SYCP2: variants seen among roughly 807,000 people sequenced by gnomAD.
The protein encoded by SYCP2 is synaptonemal complex protein 2.
Under a neutral mutation model 211.3 loss-of-function variants are expected in SYCP2, and 55 were observed. The ratio of observed to expected loss-of-function variants is 0.26; its 90% confidence interval spans 0.21 to 0.33. The LOEUF (loss-of-function observed/expected upper bound fraction) is 0.33, where lower values mean the gene tolerates loss of function less well. Ranked by LOEUF, SYCP2 falls within the 10% of genes least tolerant of loss-of-function variation. The probability of loss-of-function intolerance (pLI) is 1.00; values close to 1 mark genes in which losing one functional copy is unlikely to be tolerated. For synonymous variants in SYCP2, 570 were observed against 555.2 expected (o/e 1.03, Z -0.37); for missense variants, 1,731 against 1,752.0 (o/e 0.99, Z 0.21).
At chr20:59,891,854 TGA>T (rs1253191007) in intron 24 of SYCP2, 134 bp downstream of exon 24, 2 of 726,570 alleles carry the variant, frequency 2.8e-6, no homozygotes, top group African/African-American at 1.8e-5. Flanking sequence ...TGAGGAATTC[TGA>T]GAGTCTGGGC....
chr20:59,930,073 C>A (rs1174790194), intron 2 of SYCP2, among the ~76,000 whole-genome samples: 1 of 152,098 alleles, frequency 6.6e-6, no homozygotes, highest in Non-Finnish European at 1.5e-5. Flanking sequence ...AGCACACAGG[C>A]ATCTCTATTA....
At chr20:59,911,677 C>A (rs2060330699) in intron 14 of SYCP2, 73 bp downstream of exon 14, 1 of 605,314 alleles carries the variant, frequency 1.7e-6, no homozygotes, top group Non-Finnish European at 2.7e-6. Context: ...TAAAGAAATC[C>A]ACATTCTTAA....
chr20:59,932,481 G>A (rs887354606), intron 1 of SYCP2, among the ~76,000 whole-genome samples: 3 of 152,124 alleles, frequency 2.0e-5, no homozygotes, highest in African/African-American at 7.2e-5. Context: ...TTCGAGACCA[G>A]CCGGGCCAAC....
Position 59,915,547 on chromosome 20 carries a change from T to A in SYCP2, c.517A>T (p.Ile173Leu). 6.3e-7 allele frequency: 1 copy of A among 1,593,174 alleles called. No individual in the cohort carries two copies. The highest frequency in any genetic ancestry group is 8.6e-7 in the Non-Finnish European group (1 of 1,161,886). The change falls in exon 9 of 45, where the codon ATA becomes TTA. Residue 173 changes from isoleucine (I) to leucine (L), a missense_variant. Physicochemically the swap from Ile to Leu is conservative, Grantham distance 5. Transcript: ENST00000357552. ...RVNICIQQEI[I>L]KKMNAMLDKM... ...TCAAGCATAGCATTCATTTTTTTTA[T>A]AATCTAGAAAAGAAAAAAAGATAAT... is the stretch of plus-strand genomic sequence containing the variant.
At chr20:59,877,263 G>GT in intron 33 of SYCP2, 122 bp downstream of exon 33, 1 of 736,026 alleles carries the variant, frequency 1.4e-6, no homozygotes, top group Non-Finnish European at 1.9e-6. Context: ...TATTATTTAA[G>GT]TTTTGTCATA....
intron 25 of SYCP2, 47 bp from the exon 26 acceptor site, chr20:59,886,011 A>G (rs561880683): frequency 6.4e-6 from 9 of 1,395,478 alleles, no homozygotes; most frequent in African/African-American, 4.3e-5. Context: ...ATCAGTATCA[A>G]TATCATAAAA....
rs548415123 is a variant in SYCP2, at chr20:59,866,569, A to G, written c.4146T>C (p.Ser1382=). Residue 1382 remains serine (S), a synonymous_variant, in exon 40 of 45, where the codon AGT becomes AGC. Transcript: ENST00000357552. ...RRNNIRHKML[S]YFTTQSWKTA... is the part of the protein sequence containing the mutation. ...TTTTCCAAGACTGCGTAGTAAAATA[A>G]CTCAACATTTTATGTCGGATCTGAA... 7 of 1,598,870 alleles carry G rather than the reference A, an allele frequency of 4.4e-6. No individual in the cohort carries two copies. In the South Asian group the frequency reaches 5.7e-5, roughly 13 times the overall value.
intron 14 of SYCP2, among the ~76,000 whole-genome samples, chr20:59,910,811 A>T (rs1443396247): frequency 5.3e-5 from 8 of 151,326 alleles, no homozygotes; most frequent in Admixed American, 5.3e-4. Context: ...TAGCTCCTCG[A>T]AAAAAAATCA....
rs115019561 is a variant in SYCP2 at position 59,904,153 on chromosome 20, G to A, written c.1034-2343C>T. On this transcript the variant is annotated intron_variant, in intron 15 of 44. Transcript: ENST00000357552. ...TAACTAATTTTCCCTTCATTCTGGG[G>A]CAGCACAAGGAGCTGGACCAAACCT... 2.2e-3 allele frequency among the ~76,000 whole-genome samples: 335 copies of A among 152,226 alleles called. 2 individuals carry two copies. The highest frequency in any genetic ancestry group is 7.7e-3 in the African/African-American group (319 of 41,554).
Position 59,912,403 on chromosome 20 carries a change from A to G in SYCP2, c.846T>C (p.Pro282=). The G allele has an allele frequency of 9.2e-7, 1 of 1,083,816 alleles. No individual in the cohort carries two copies. The highest frequency in any genetic ancestry group is 1.3e-6 in the Non-Finnish European group (1 of 749,866). 67.1% of individuals were successfully genotyped at this position (1,083,816 alleles called of 1,614,324 possible). The part of the protein sequence containing the change: ...LGDKRRVFTF[P]CLSAFLDKYE... ...ATTTATCAAGAAATGCTGATAAACA[A>G]GGAAATGTAAAGACCCTGAAATAAA... The change falls in exon 13 of 45, where the codon CCT becomes CCC. Residue 282 remains proline (P), a synonymous_variant. Coordinates refer to ENST00000357552, the MANE Select transcript of SYCP2 (RefSeq NM_014258.4).
At chr20:59,890,316 C>T (rs2059880438) in intron 24 of SYCP2, among the ~76,000 whole-genome samples, 1 of 152,092 alleles carries the variant, frequency 6.6e-6, no homozygotes, top group Non-Finnish European at 1.5e-5. Flanking sequence ...TCAAACACCA[C>T]ATGTTCTCAC....
chr20:59,865,786 C>T (rs1271032959), intron 42 of SYCP2, 21 bp downstream of exon 42: 1 of 1,281,142 alleles, frequency 7.8e-7, no homozygotes, highest in Non-Finnish European at 1.0e-6. Context: ...AGATTATAGC[C>T]ATTAAGAATG....
At chr20:59,901,352 T>C (rs535313260) in intron 16 of SYCP2, among the ~76,000 whole-genome samples, 1 of 152,232 alleles carries the variant, frequency 6.6e-6, no homozygotes, top group South Asian at 2.1e-4. Context: ...TGATGTATCA[T>C]GTGTGTAATT....
At position 59,869,953 on chromosome 20, in the gene SYCP2, T is replaced by C. The variant is rs771212146; in HGVS notation, c.3586A>G (p.Ile1196Val). The C allele has an allele frequency of 1.9e-6, 3 of 1,602,058 alleles. No individual in the cohort carries two copies. The highest frequency in any genetic ancestry group is 1.3e-5 in the African/African-American group (1 of 74,608). Residue 1196 changes from isoleucine (I) to valine (V), a missense_variant, in exon 36 of 45, where the codon ATT (isoleucine) becomes GTT (valine). Physicochemically the swap from Ile to Val is conservative, Grantham distance 29. This residue lies in a region of SYCP2 where 1,387 missense variants were observed against 1,351.3 expected (regional missense o/e 1.03). Transcript: ENST00000357552. ...GAACTTATTTTTTTTCTATTTACAA[T>C]AGTATTACTCTTAGTTGGAGTATGT... The part of the protein sequence containing the change: ...PRHTPTKSNT[I>V]VNRKKISSLV...
chr20:59,877,538 G>A lies in SYCP2; in HGVS notation c.2997C>T (p.Ile999=), dbSNP rs377578356. The A allele has an allele frequency of 1.9e-6, 3 of 1,590,766 alleles. No homozygotes were observed. The highest frequency in any genetic ancestry group is 8.5e-7 in the Non-Finnish European group (1 of 1,174,318). ...GAATTGTCTTGTCCATCTTTTTTGT[G>A]ATATTTTTACTGGGTGTCTTTAGGA... ...PSSKMTPSKN[I]TKKMDKTIPE... The change falls in exon 33 of 45, where the codon ATC becomes ATT. Residue 999 remains isoleucine (I), a synonymous_variant. Coordinates refer to ENST00000357552, the MANE Select transcript of SYCP2 (RefSeq NM_014258.4).
chr20:59,921,186 T>C (rs554325282), intron 4 of SYCP2, 124 bp downstream of exon 4: 2 of 681,596 alleles, frequency 2.9e-6, no homozygotes, highest in Admixed American at 3.7e-5. Context: ...AATAAGCATT[T>C]ATTTATATAA....
chr20:59,922,083 T>G (rs2060552340), intron 3 of SYCP2, among the ~76,000 whole-genome samples: 1 of 151,616 alleles, frequency 6.6e-6, no homozygotes, highest in Non-Finnish European at 1.5e-5. Context: ...ACACAATATC[T>G]TAACCTCTAA....
chr20:59,892,533 C>A, intron 23 of SYCP2, 35 bp downstream of exon 23: 1 of 1,569,126 alleles, frequency 6.4e-7, no homozygotes, highest in Non-Finnish European at 8.6e-7. Flanking sequence ...GAAATTAACA[C>A]TGAACTATTA....
chr20:59,866,056 A>T (rs1357099767), intron 41 of SYCP2, among the ~76,000 whole-genome samples, 191 bp from the exon 42 acceptor site: 2 of 151,852 alleles, frequency 1.3e-5, no homozygotes, highest in Non-Finnish European at 2.9e-5. Context: ...TTTCAAATTA[A>T]AATAAAATTG....
Sources: gnomAD v4.1 joint callset for allele counts (sites outside exome capture counted in the v4.1 genomes callset) on GRCh38, gnomAD v4.1.1 for gene constraint, gnomAD v4.1.1 regional missense constraint, MANE v1.5 for transcripts, NCBI Gene and HGNC (gene_info 2026-07-23, HGNC 2026-07-21) for gene names.